SLC13A1: variants seen among roughly 807,000 people sequenced by gnomAD.
The protein encoded by SLC13A1 is Na(+)/sulfate cotransporter.
In SLC13A1, 65 loss-of-function variants were observed where a neutral mutation model predicts 70.0. The ratio of observed to expected loss-of-function variants is 0.93; its 90% CI spans 0.76 to 1.14. SLC13A1 has a LOEUF of 1.14. SLC13A1 is among the 50% of genes most tolerant of loss of function. SLC13A1 has a pLI of 0.00. For missense variants in SLC13A1, 726 were observed against 717.8 expected (o/e 1.01, Z -0.13); for synonymous variants, 275 against 250.5 (o/e 1.10, Z -0.92).
intron 7 of SLC13A1, among the ~76,000 whole-genome samples, chr7:123,135,495 T>C (rs560643668): frequency 6.6e-6 from 1 of 152,232 alleles, no homozygotes; most frequent in East Asian, 1.9e-4. Context: ...AAAAACATCA[T>C]TAACATATTT....
chr7:123,115,590 C>G lies in SLC13A1; in HGVS notation c.1716G>C (p.Trp572Cys). ...TGTAGAGGTCAAACATGGGTACAAT[C>G]CAAGTACATATGCCAAGCATAACCA... ...VAVVMLGICT[W>C]IVPMFDLYTY... The change falls in exon 15 of 15, where the codon TGG (tryptophan) becomes TGC (cysteine). Residue 572 changes from tryptophan to cysteine, a missense_variant. Trp to Cys is a radical substitution (Grantham distance 215). Coordinates refer to ENST00000194130, the MANE Select transcript of SLC13A1 (RefSeq NM_022444.4). 2 of 1,613,720 alleles carry G rather than the reference C, an allele frequency of 1.2e-6. No homozygotes were observed. Among genetic ancestry groups the G allele is most frequent in the Non-Finnish European group, 1.7e-6 (2 of 1,179,786 alleles).
At position 123,119,326 on chromosome 7, in the gene SLC13A1, T is replaced by G. The variant is rs1242754055; in HGVS notation, c.1351-84A>C. 1.0e-5 allele frequency: 10 copies of G among 975,250 alleles called. No individual in the cohort carries two copies. In the South Asian group the frequency reaches 1.1e-4, roughly 11 times the overall value. The allele number at this position is 975,250 out of a possible 1,614,324, so 60.4% of individuals were successfully genotyped here. ...ATAAAATCCATAAAAAAACATTATT[T>G]CCTTTGAAAACTCACTTTCTAAAAT... On this transcript the variant is annotated intron_variant, in intron 12 of 14. Coordinates refer to ENST00000194130, the MANE Select transcript of SLC13A1 (RefSeq NM_022444.4).
chr7:123,165,991 G>T (rs1011510842), intron 6 of SLC13A1, among the ~76,000 whole-genome samples: 1 of 151,888 alleles, frequency 6.6e-6, no homozygotes, highest in Non-Finnish European at 1.5e-5. Flanking sequence ...GCACTCTTCT[G>T]CTTGCACATG....
At chr7:123,191,354 A>G (rs184520111) in intron 1 of SLC13A1, among the ~76,000 whole-genome samples, 1 of 152,224 alleles carries the variant, frequency 6.6e-6, no homozygotes, top group African/African-American at 2.4e-5. Context: ...TCCAGCCCTT[A>G]GTTTCTGGCA....
In SLC13A1 at chr7:123,115,038, C is replaced by G. The variant is rs754638808; in HGVS notation, c.*480G>C. 6.6e-6 allele frequency: 1 copy of G among 152,502 alleles called. No individual in the cohort carries two copies. The highest frequency in any genetic ancestry group is 1.9e-4 in the East Asian group (1 of 5,198). 9.4% of individuals were successfully genotyped at this position (152,502 alleles called of 1,614,324 possible). A position where few individuals can be genotyped will look rare whatever the true frequency, so the allele number is the denominator to read the frequency against. On this transcript the variant is annotated 3_prime_UTR_variant, in exon 15 of 15. Coordinates refer to ENST00000194130, the MANE Select transcript of SLC13A1 (RefSeq NM_022444.4). ...ACTTTTCTCTTCATCACCAGATGACCATGGCTTTGATTTCTCAGCAAATTC... is the reference window on the plus strand; with the variant it reads ...ACTTTTCTCTTCATCACCAGATGACGATGGCTTTGATTTCTCAGCAAATTC...
At chr7:123,150,210 T>A (rs185607508) in intron 6 of SLC13A1, among the ~76,000 whole-genome samples, 1 of 152,270 alleles carries the variant, frequency 6.6e-6, no homozygotes, top group East Asian at 1.9e-4. Context: ...ACGTCCCTCT[T>A]AATGGTCCTT....
chr7:123,170,596 G>C (rs1462645334), intron 3 of SLC13A1, among the ~76,000 whole-genome samples: 1 of 151,556 alleles, frequency 6.6e-6, no homozygotes, highest in African/African-American at 2.4e-5. Flanking sequence ...TTCATTTTAA[G>C]AGTCAGATGA....
At chr7:123,149,645 C>T (rs1794486747) in intron 6 of SLC13A1, 1 of 456,126 alleles carries the variant, frequency 2.2e-6, no homozygotes, top group Admixed American at 2.4e-5. Context: ...TGCAAAAATA[C>T]CTAAGTGTGT....
intron 1 of SLC13A1, chr7:123,190,653 G>T (rs955981796): frequency 1.1e-5 from 5 of 456,592 alleles, no homozygotes; most frequent in Non-Finnish European, 2.2e-5. Context: ...ACTCATATTT[G>T]ACATTAACCA....
At chr7:123,147,766 TAGCAATAA>T (rs1365613325) in intron 6 of SLC13A1, among the ~76,000 whole-genome samples, 14 of 152,192 alleles carry the variant, frequency 9.2e-5, no homozygotes, top group African/African-American at 3.1e-4. Flanking sequence ...AATAGAGATG[TAGCAATAA>T]AAGTATTTAA....
chr7:123,187,989 T>C (rs1388873649), intron 1 of SLC13A1, among the ~76,000 whole-genome samples: 1 of 152,216 alleles, frequency 6.6e-6, no homozygotes, highest in Non-Finnish European at 1.5e-5. Flanking sequence ...GGAACTTTAC[T>C]AGATATTGCC....
At chr7:123,168,139 T>C (rs1483636180) in intron 6 of SLC13A1, among the ~76,000 whole-genome samples, 1 of 152,108 alleles carries the variant, frequency 6.6e-6, no homozygotes, top group Non-Finnish European at 1.5e-5. Flanking sequence ...CTGATTCTGG[T>C]AAAAAGAGAA....
intron 1 of SLC13A1, among the ~76,000 whole-genome samples, chr7:123,182,525 G>T (rs558620099): frequency 5.3e-5 from 8 of 152,144 alleles, no homozygotes; most frequent in East Asian, 1.9e-4. Flanking sequence ...CACTTTCCAA[G>T]AATCCATTTT....
At chr7:123,167,170 T>A (rs1469663073) in intron 6 of SLC13A1, among the ~76,000 whole-genome samples, 1 of 152,170 alleles carries the variant, frequency 6.6e-6, no homozygotes, top group Admixed American at 6.5e-5. Context: ...GAAATACTAT[T>A]TGACCTAGCC....
intron 12 of SLC13A1, 33 bp downstream of exon 12, chr7:123,123,093 T>C: frequency 7.1e-7 from 1 of 1,417,204 alleles, no homozygotes; most frequent in East Asian, 2.3e-5. Flanking sequence ...ACAGTCTGGT[T>C]AATTGTTAAA....
At position 123,132,528 on chromosome 7, in the gene SLC13A1, C is replaced by T. The variant is rs549460337; in HGVS notation, c.932+1882G>A. 3.2e-4 allele frequency among the ~76,000 whole-genome samples: 48 copies of T among 152,206 alleles called. 1 individual carries two copies. The highest frequency in any genetic ancestry group is 3.4e-3 in the Middle Eastern group (1 of 294). On this transcript the variant is annotated intron_variant, in intron 8 of 14. Transcript: ENST00000194130. The stretch of plus-strand genomic sequence containing the variant: ...CTGGGATTACAGGCACCTGCCACCA[C>T]GCCCAGCTAATTTTTGTATTTTTAG...
At chr7:123,129,270 T>C (rs1163696150) in intron 9 of SLC13A1, 113 bp downstream of exon 9, 3 of 909,310 alleles carry the variant, frequency 3.3e-6, no homozygotes, top group Non-Finnish European at 5.1e-6. Context: ...AGCAATTATG[T>C]GCTTGTTTGC....
At chr7:123,184,569 G>T (rs1185779864) in intron 1 of SLC13A1, among the ~76,000 whole-genome samples, 1 of 152,000 alleles carries the variant, frequency 6.6e-6, no homozygotes. Context: ...CATACATGTT[G>T]TAACAAATGA....
chr7:123,161,910 A>G (rs1204414639), intron 6 of SLC13A1, among the ~76,000 whole-genome samples: 1 of 152,148 alleles, frequency 6.6e-6, no homozygotes, highest in Non-Finnish European at 1.5e-5. Context: ...GATGTGGTAT[A>G]CATTATCTTA....
Sources: gnomAD v4.1 joint callset for allele counts (sites outside exome capture counted in the v4.1 genomes callset) on GRCh38, gnomAD v4.1.1 for gene constraint, MANE v1.5 for transcripts, NCBI Gene and HGNC (gene_info 2026-07-23, HGNC 2026-07-21) for gene names.